CA5A: variants seen among roughly 807,000 people sequenced by gnomAD.
The protein encoded by CA5A is carbonic anhydrase 5A, mitochondrial.
CA5A carries 28 observed loss-of-function variants against 37.1 expected under a neutral mutation model. That is an observed-to-expected ratio of 0.75 (90% CI 0.56 to 1.03). CA5A has a LOEUF of 1.03. Among genes scored for constraint, CA5A ranks in the 50% least tolerant of loss-of-function variants. The probability of loss-of-function intolerance (pLI) is 0.00; values close to 1 mark genes in which losing one functional copy is unlikely to be tolerated. For synonymous variants in CA5A, 171 were observed against 158.4 expected (o/e 1.08, Z -0.60); for missense variants, 444 against 399.9 (o/e 1.11, Z -0.94).
intron 2 of CA5A, among the ~76,000 whole-genome samples, chr16:87,918,846 G>C (rs192552704): frequency 6.6e-6 from 1 of 152,192 alleles, no homozygotes; most frequent in Admixed American, 6.6e-5. Context: ...GAACAAAGAG[G>C]ACAGAAAATC....
rs755022865 is a variant in CA5A at position 87,926,861 on chromosome 16, T to C, written c.227A>G (p.Tyr76Cys). 5 of 1,613,340 alleles carry C rather than the reference T, an allele frequency of 3.1e-6. No homozygotes were observed. The highest frequency in any genetic ancestry group is 4.5e-5 in the East Asian group (2 of 44,858). Residue 76 changes from tyrosine to cysteine, a missense_variant, in exon 2 of 7, where the codon TAT (tyrosine) becomes TGT (cysteine). By Grantham distance (194) the Tyr-to-Cys change is radical. Transcript: ENST00000649794. ...CCTGAGTGGCTTCAGCTGGGGGTCA[T>C]AGACGCTGTCCCTCCACTGGATGTT... ...PINIQWRDSV[Y>C]DPQLKPLRVS...
chr16:87,921,502 A>C (rs931488083), intron 2 of CA5A, among the ~76,000 whole-genome samples: 4 of 151,872 alleles, frequency 2.6e-5, no homozygotes, highest in Non-Finnish European at 5.9e-5. Flanking sequence ...CTAGAAAAAA[A>C]CTCCTTGGCT....
chr16:87,908,265 A>G (rs1183681444), intron 2 of CA5A, among the ~76,000 whole-genome samples: 3 of 152,220 alleles, frequency 2.0e-5, no homozygotes, highest in Admixed American at 2.0e-4. Flanking sequence ...CTGGGCAAGT[A>G]GCTTAGCCTC....
intron 2 of CA5A, among the ~76,000 whole-genome samples, chr16:87,905,110 C>T (rs1003404135): frequency 6.6e-6 from 1 of 152,064 alleles, no homozygotes; most frequent in Non-Finnish European, 1.5e-5. Flanking sequence ...CCAGCGCCTG[C>T]CCAGAGGTTC....
At chr16:87,915,534 T>TC (rs2056126047) in intron 2 of CA5A, among the ~76,000 whole-genome samples, 1 of 123,798 alleles carries the variant, frequency 8.1e-6, no homozygotes, top group Non-Finnish European at 1.7e-5. Flanking sequence ...AAATTTTTTT[T>TC]TTTTTTTTTT....
At chr16:87,885,214 G>C (rs201375516), downstream of CA5A, 7 of 169,286 alleles carry the variant, frequency 4.1e-5, no homozygotes, top group East Asian at 1.2e-3. Context: ...ACAAAAAAAA[G>C]AGGGTGAAAG....
At chr16:87,894,788 G>A (rs1297741923) in intron 5 of CA5A, among the ~76,000 whole-genome samples, 1 of 152,084 alleles carries the variant, frequency 6.6e-6, no homozygotes, top group Admixed American at 6.6e-5. Context: ...CTGAGACACA[G>A]GAACTGCTTT....
At chr16:87,931,418 A>C (rs1163972679) in intron 1 of CA5A, among the ~76,000 whole-genome samples, 1 of 152,184 alleles carries the variant, frequency 6.6e-6, no homozygotes, top group African/African-American at 2.4e-5. Context: ...GACCTTGCCA[A>C]GTAATTTTTT....
At position 87,911,951 on chromosome 16, in the gene CA5A, C is replaced by T. The variant is rs990067577; in HGVS notation, c.341-7047G>A. The stretch of plus-strand genomic sequence containing the variant: ...CACAGTCCCTGGCACGCAGTGAGAG[C>T]TCAAATAATGGTAGCCACTTACTAT... On this transcript the variant is annotated intron_variant, in intron 2 of 6. Transcript: ENST00000649794. This position sits in a 1 kb window ranked among gnomAD's most constrained non-coding sequence, Gnocchi z 4.6. 2.6e-5 allele frequency among the ~76,000 whole-genome samples: 4 copies of T among 152,206 alleles called. No homozygotes were observed. The highest frequency in any genetic ancestry group is 9.7e-5 in the African/African-American group (4 of 41,450).
At chr16:87,931,430 A>C (rs1457532708) in intron 1 of CA5A, among the ~76,000 whole-genome samples, 1 of 152,170 alleles carries the variant, frequency 6.6e-6, no homozygotes, top group Non-Finnish European at 1.5e-5. Flanking sequence ...TAATTTTTTA[A>C]GTTTTACACA....
At chr16:87,920,297 T>TTTTG (rs749848902) in intron 2 of CA5A, among the ~76,000 whole-genome samples, 1 of 152,102 alleles carries the variant, frequency 6.6e-6, no homozygotes, top group Non-Finnish European at 1.5e-5. Context: ...AGTCACTGTT[T>TTTTG]TTTGTTTGTT....
intron 2 of CA5A, among the ~76,000 whole-genome samples, chr16:87,912,366 C>T (rs1384605550): frequency 6.6e-6 from 1 of 152,184 alleles, no homozygotes; most frequent in Non-Finnish European, 1.5e-5. Context: ...CATCATCTCA[C>T]CACGGCAGAG....
chr16:87,912,203 G>C lies in CA5A; in HGVS notation c.341-7299C>G, dbSNP rs373102346. ...TGTAGTGCCAGCTACTTGGGAGGCG[G>C]AGGTGAGAGAATCGCTTGAACCCGG... On this transcript the variant is annotated intron_variant, in intron 2 of 6. Coordinates refer to ENST00000649794, the MANE Select transcript of CA5A (RefSeq NM_001739.2). 4.0e-3 allele frequency among the ~76,000 whole-genome samples: 603 copies of C among 152,272 alleles called. 2 individuals carry two copies. The highest frequency in any genetic ancestry group is 4.7e-3 in the Non-Finnish European group (322 of 68,024).
chr16:87,934,028 A>G (rs1404520580), intron 1 of CA5A, among the ~76,000 whole-genome samples: 2 of 152,214 alleles, frequency 1.3e-5, no homozygotes, highest in Admixed American at 6.5e-5. Flanking sequence ...TTGCCACAGT[A>G]AGAAATGGAA....
chr16:87,931,837 AGCCGGCGGCCACAACAG>A (rs2056410216), intron 1 of CA5A, among the ~76,000 whole-genome samples: 1 of 152,176 alleles, frequency 6.6e-6, no homozygotes, highest in Admixed American at 6.5e-5. Flanking sequence ...TGGACGCGGG[AGCCGGCGGCCACAACAG>A]GGGCCTCTGT....
intron 2 of CA5A, among the ~76,000 whole-genome samples, chr16:87,916,371 T>C (rs1263718128): frequency 6.6e-6 from 1 of 151,648 alleles, no homozygotes; most frequent in Non-Finnish European, 1.5e-5. Flanking sequence ...GTATGGTTTG[T>C]GTAATATTTA....
chr16:87,889,256 T>C lies in CA5A; in HGVS notation c.775-984A>G, dbSNP rs181875025. 1.0e-2 allele frequency among the ~76,000 whole-genome samples: 1,518 copies of C among 152,070 alleles called. 27 individuals carry two copies. The highest frequency in any genetic ancestry group is 0.018 in the Non-Finnish European group (1,206 of 67,982). ...TTTTAGTAGAGACAGGGTTTCACCATGTTGGTCAGGCTGGTCTTGAACTCC... is the reference window on the plus strand; with the variant it reads ...TTTTAGTAGAGACAGGGTTTCACCACGTTGGTCAGGCTGGTCTTGAACTCC... On this transcript the variant is annotated intron_variant, in intron 6 of 6. Transcript: ENST00000649794.
chr16:87,932,092 C>A (rs1023077530), intron 1 of CA5A, among the ~76,000 whole-genome samples: 21 of 151,868 alleles, frequency 1.4e-4, no homozygotes, highest in African/African-American at 5.1e-4. Context: ...CCAGCCTGAG[C>A]AACAAGAGGC....
chr16:87,913,814 G>A (rs2056088092), intron 2 of CA5A, among the ~76,000 whole-genome samples: 1 of 152,202 alleles, frequency 6.6e-6, no homozygotes, highest in Non-Finnish European at 1.5e-5. Context: ...CAGCCTTGCA[G>A]GCTCGCTGAG....
Sources: gnomAD v4.1 joint callset for allele counts (sites outside exome capture counted in the v4.1 genomes callset) on GRCh38, gnomAD v4.1.1 for gene constraint, Gnocchi (gnomAD v3.1) non-coding constraint, MANE v1.5 for transcripts, NCBI Gene and HGNC (gene_info 2026-07-23, HGNC 2026-07-21) for gene names.